The following AGBL1 variants were observed in gnomAD, a reference collection of about 807,000 sequenced individuals.
The protein encoded by AGBL1 is AGBL carboxypeptidase 1, also known as cytosolic carboxypeptidase 4.
Under a neutral mutation model 118.9 loss-of-function variants are expected in AGBL1, and 130 were observed. The observed-to-expected ratio is 1.09, with a 90% CI of 0.95 to 1.26. The LOEUF (loss-of-function observed/expected upper bound fraction) is 1.26. Ranked by LOEUF, AGBL1 falls within the 50% of genes most tolerant of loss-of-function variation. The pLI is 0.00. For synonymous variants in AGBL1, 555 were observed against 478.9 expected, an observed-to-expected ratio of 1.16 and a Z score of -2.08; for missense variants, 1,584 against 1,298.1, an observed-to-expected ratio of 1.22 and a Z score of -3.38.
At chr15:86,386,264 CCCT>C (rs55841362) in intron 17 of AGBL1, among the ~76,000 whole-genome samples, 190 of 17,686 alleles carry the variant, frequency 0.011, 15 homozygotes, top group East Asian at 0.054. Flanking sequence ...CCTCCCTCCT[CCCT>C]CCTCCTCCTC....
intron 17 of AGBL1, among the ~76,000 whole-genome samples, chr15:86,328,121 C>T (rs1273453117): frequency 1.3e-5 from 2 of 152,152 alleles, no homozygotes; most frequent in Admixed American, 6.5e-5. Context: ...GTTCCTGTTC[C>T]TATGGATATT....
intron 5 of AGBL1, among the ~76,000 whole-genome samples, chr15:86,220,190 G>T (rs1476854316): frequency 6.6e-6 from 1 of 152,094 alleles, no homozygotes; most frequent in Non-Finnish European, 1.5e-5. Flanking sequence ...TTCACCTTGT[G>T]ATCCACCTGC....
intron 17 of AGBL1, among the ~76,000 whole-genome samples, chr15:86,395,819 T>G (rs1202139788): frequency 1.3e-5 from 2 of 152,102 alleles, no homozygotes; most frequent in Non-Finnish European, 2.9e-5. Flanking sequence ...GATAATAACA[T>G]AATTCAGTAA....
chr15:86,481,789 C>T (rs1261397635), intron 18 of AGBL1, among the ~76,000 whole-genome samples: 4 of 152,098 alleles, frequency 2.6e-5, no homozygotes, highest in African/African-American at 4.8e-5. Context: ...AGAACTTTGG[C>T]GGTCACCTGG....
intron 22 of AGBL1, among the ~76,000 whole-genome samples, chr15:86,788,159 G>A (rs1443187401): frequency 3.3e-5 from 5 of 152,188 alleles, no homozygotes; most frequent in Admixed American, 6.5e-5. Flanking sequence ...GGCTCTGCAC[G>A]GTGCCCACTG....
chr15:86,212,702 T>G lies in AGBL1; in HGVS notation c.489-12212T>G, dbSNP rs192608507. 3.4e-4 allele frequency among the ~76,000 whole-genome samples: 51 copies of G among 152,220 alleles called. 1 individual carries two copies. In the East Asian group the frequency reaches 6.6e-3, roughly 20 times the overall value. On this transcript the variant is annotated intron_variant, in intron 5 of 22. Coordinates refer to ENST00000614907, the MANE Select transcript of AGBL1 (RefSeq NM_001386094.1). ...TCTCACTCTGTTGCCCAGGCTGGAGTGCAATGGCGTGATCTTGGCACACTG... is the reference window on the plus strand; with the variant it reads ...TCTCACTCTGTTGCCCAGGCTGGAGGGCAATGGCGTGATCTTGGCACACTG...
chr15:86,763,129 C>A (rs1164204155), intron 22 of AGBL1, among the ~76,000 whole-genome samples: 2 of 152,056 alleles, frequency 1.3e-5, no homozygotes, highest in East Asian at 3.9e-4. Context: ...AATCACACTC[C>A]TTTACCTAGT....
chr15:86,563,079 C>T (rs1212216957), intron 21 of AGBL1, among the ~76,000 whole-genome samples: 1 of 152,086 alleles, frequency 6.6e-6, no homozygotes, highest in Non-Finnish European at 1.5e-5. Context: ...TTTTGTTGAT[C>T]TTTTCCAAAA....
intron 21 of AGBL1, among the ~76,000 whole-genome samples, chr15:86,605,218 T>A (rs1031128837): frequency 1.3e-5 from 2 of 152,182 alleles, no homozygotes; most frequent in Non-Finnish European, 2.9e-5. Flanking sequence ...CTAACATTCC[T>A]TCAGCTTTTA....
chr15:86,668,837 A>G (rs2085691990), intron 21 of AGBL1, among the ~76,000 whole-genome samples: 1 of 152,238 alleles, frequency 6.6e-6, no homozygotes, highest in South Asian at 2.1e-4. Context: ...CAATGTGGGC[A>G]TATTTGACTT....
At chr15:86,278,960 C>T (rs956660054) in intron 15 of AGBL1, among the ~76,000 whole-genome samples, 3 of 152,188 alleles carry the variant, frequency 2.0e-5, no homozygotes, top group Non-Finnish European at 2.9e-5. Flanking sequence ...CAAATATATT[C>T]CTTTGGGAAG....
intron 18 of AGBL1, among the ~76,000 whole-genome samples, chr15:86,404,382 A>G (rs2081493586): frequency 6.6e-6 from 1 of 152,072 alleles, no homozygotes; most frequent in African/African-American, 2.4e-5. Context: ...ATTTATTGTC[A>G]TGGGACTTCT....
At chr15:86,145,409 T>C (rs1287341230) in intron 3 of AGBL1, among the ~76,000 whole-genome samples, 2 of 152,190 alleles carry the variant, frequency 1.3e-5, no homozygotes, top group Admixed American at 1.3e-4. Flanking sequence ...TTTAAAAGCA[T>C]GGGCACTCAG....
chr15:86,163,678 A>T (rs140984143), intron 5 of AGBL1, among the ~76,000 whole-genome samples: 12 of 152,290 alleles, frequency 7.9e-5, no homozygotes, highest in South Asian at 2.1e-4. Context: ...CAGTGAGCCA[A>T]GATCACACCA....
At chr15:86,764,684 C>T (rs1196039697) in intron 22 of AGBL1, among the ~76,000 whole-genome samples, 1 of 151,976 alleles carries the variant, frequency 6.6e-6, no homozygotes, top group Admixed American at 6.6e-5. Context: ...AAAGACTTCC[C>T]TTTCTAATGT....
chr15:86,961,948 C>A (rs2080997410), intron 23 of AGBL1, among the ~76,000 whole-genome samples: 1 of 152,042 alleles, frequency 6.6e-6, no homozygotes, highest in South Asian at 2.1e-4. Context: ...CTGAAACTGA[C>A]TTTATAGAGT....
chr15:86,328,676 A>G (rs113141240), intron 17 of AGBL1, among the ~76,000 whole-genome samples: 4,037 of 152,240 alleles, frequency 0.027, 71 homozygotes, highest in Middle Eastern at 0.075. Context: ...GTGAAGCCCC[A>G]GTACATGAGA....
At chr15:86,420,193 G>A (rs1045587942) in intron 18 of AGBL1, among the ~76,000 whole-genome samples, 6 of 152,170 alleles carry the variant, frequency 3.9e-5, no homozygotes, top group South Asian at 4.1e-4. Context: ...AGCAGGGGTC[G>A]ACAGACACCT....
At chr15:86,401,926 T>G (rs781546490) in intron 18 of AGBL1, among the ~76,000 whole-genome samples, 10 of 152,196 alleles carry the variant, frequency 6.6e-5, no homozygotes, top group Non-Finnish European at 1.2e-4. Flanking sequence ...GCTTTGGTTA[T>G]GTGGCCTCTT....
Sources: gnomAD v4.1 joint callset for allele counts (sites outside exome capture counted in the v4.1 genomes callset) on GRCh38, gnomAD v4.1.1 for gene constraint, MANE v1.5 for transcripts, NCBI Gene and HGNC (gene_info 2026-07-23, HGNC 2026-07-21) for gene names.